The following NMNAT3 variants were observed in gnomAD, a reference collection of about 807,000 sequenced individuals.
NMNAT3 encodes nicotinamide nucleotide adenylyltransferase 3, also known as nicotinamide/nicotinic acid mononucleotide adenylyltransferase 3.
NMNAT3 carries 21 observed loss-of-function variants against 24.8 expected under a neutral mutation model. The observed-to-expected ratio is 0.85, with a 90% confidence interval of 0.60 to 1.22. The LOEUF is 1.22. Ranked by LOEUF, NMNAT3 falls within the 50% of genes most tolerant of loss-of-function variation. The probability of loss-of-function intolerance (pLI) is 0.00; values close to 1 mark genes in which losing one functional copy is unlikely to be tolerated. For synonymous variants in NMNAT3, 136 were observed against 155.2 expected (o/e 0.88, Z 0.92); for missense variants, 387 against 436.6 (o/e 0.89, Z 1.01).
intron 1 of NMNAT3, among the ~76,000 whole-genome samples, chr3:139,638,391 A>C (rs2056582075): frequency 6.6e-6 from 1 of 152,160 alleles, no homozygotes. Flanking sequence ...CCCCCACTCC[A>C]GTCTAACAGT....
intron 1 of NMNAT3, among the ~76,000 whole-genome samples, chr3:139,664,760 G>A (rs1234821721): frequency 2.0e-5 from 3 of 152,104 alleles, no homozygotes; most frequent in Non-Finnish European, 4.4e-5. Context: ...CCCCCAGAAA[G>A]CCTTCTTTAA....
intron 1 of NMNAT3, among the ~76,000 whole-genome samples, chr3:139,659,249 G>T (rs1323575385): frequency 6.6e-6 from 1 of 152,200 alleles, no homozygotes; most frequent in Non-Finnish European, 1.5e-5. Context: ...ACTAGCATTA[G>T]GACCTGTTTG....
At chr3:139,655,222 G>C (rs1010153971) in intron 1 of NMNAT3, among the ~76,000 whole-genome samples, 1 of 152,222 alleles carries the variant, frequency 6.6e-6, no homozygotes, top group Non-Finnish European at 1.5e-5. Context: ...AGCCTGCCAA[G>C]GGCCTTATGC....
At chr3:139,605,508 A>G (rs1416944306) in intron 3 of NMNAT3, among the ~76,000 whole-genome samples, 1 of 152,154 alleles carries the variant, frequency 6.6e-6, no homozygotes, top group Non-Finnish European at 1.5e-5. Context: ...TTTCAGCTCT[A>G]AAGTACCATC....
chr3:139,592,644 AAG>A (rs1239435036), intron 3 of NMNAT3, among the ~76,000 whole-genome samples: 32 of 152,182 alleles, frequency 2.1e-4, no homozygotes, highest in African/African-American at 7.2e-4. Context: ...TACAAGCCAG[AAG>A]AGAGTGGGGG....
chr3:139,618,033 C>G (rs144206575), intron 3 of NMNAT3, among the ~76,000 whole-genome samples: 1 of 152,200 alleles, frequency 6.6e-6, no homozygotes, highest in African/African-American at 2.4e-5. Context: ...ATCCATCAAG[C>G]CTTTGAGAAT....
intron 1 of NMNAT3, 112 bp from the exon 2 acceptor site, chr3:139,638,174 T>C (rs1311815555): frequency 6.6e-6 from 1 of 152,264 alleles, no homozygotes; most frequent in Non-Finnish European, 1.5e-5. Context: ...CAGTTTGCTT[T>C]ACCTCTTCAG....
intron 1 of NMNAT3, among the ~76,000 whole-genome samples, chr3:139,644,980 GA>G (rs1201782950): frequency 3.3e-5 from 5 of 152,144 alleles, no homozygotes; most frequent in African/African-American, 9.7e-5. Flanking sequence ...GAGGTGGATG[GA>G]TCATGAGGTC....
intron 3 of NMNAT3, chr3:139,599,597 T>C (rs1474140445): frequency 1.7e-6 from 1 of 588,346 alleles, no homozygotes; most frequent in African/African-American, 1.9e-5. Flanking sequence ...TATGCATGCC[T>C]TTACAAACAG....
chr3:139,638,407 A>G (rs536086254), intron 1 of NMNAT3, among the ~76,000 whole-genome samples: 25 of 152,270 alleles, frequency 1.6e-4, no homozygotes, highest in African/African-American at 5.3e-4. Context: ...ACAGTGGGCA[A>G]TATGCCACAT....
At chr3:139,639,035 C>G (rs1232706268) in intron 1 of NMNAT3, among the ~76,000 whole-genome samples, 1 of 152,212 alleles carries the variant, frequency 6.6e-6, no homozygotes, top group Non-Finnish European at 1.5e-5. Flanking sequence ...CTCTACAAAG[C>G]TGTCAATGCC....
intron 1 of NMNAT3, among the ~76,000 whole-genome samples, chr3:139,640,236 TCCCAGTGTCTG>T (rs1174079151): frequency 6.6e-6 from 1 of 152,146 alleles, no homozygotes; most frequent in Non-Finnish European, 1.5e-5. Flanking sequence ...GGGGCTAGTG[TCCCAGTGTCTG>T]CCCTGTGCCT....
At chr3:139,603,743 A>G (rs16849184) in intron 3 of NMNAT3, among the ~76,000 whole-genome samples, 2 of 151,842 alleles carry the variant, frequency 1.3e-5, no homozygotes, top group Admixed American at 6.6e-5. Flanking sequence ...CAACTAACCA[A>G]TGCTGCTGCC....
intron 3 of NMNAT3, among the ~76,000 whole-genome samples, chr3:139,587,469 T>C (rs1456555297): frequency 6.6e-6 from 1 of 152,138 alleles, no homozygotes; most frequent in East Asian, 1.9e-4. Flanking sequence ...GACAGATCCC[T>C]CGGCTAGAAA....
At chr3:139,663,311 G>T (rs1055277037) in intron 1 of NMNAT3, among the ~76,000 whole-genome samples, 2 of 152,162 alleles carry the variant, frequency 1.3e-5, no homozygotes, top group Non-Finnish European at 2.9e-5. Flanking sequence ...CCACCTGGAT[G>T]GTCCAGGATA....
intron 1 of NMNAT3, among the ~76,000 whole-genome samples, chr3:139,653,061 GC>G (rs2057108178): frequency 6.6e-6 from 1 of 152,132 alleles, no homozygotes; most frequent in Non-Finnish European, 1.5e-5. Flanking sequence ...GGATAGATTG[GC>G]AGCGGGGGCA....
intron 6 of NMNAT3, chr3:139,568,470 G>T (rs1048072275): frequency 3.2e-4 from 49 of 152,250 alleles, no homozygotes; most frequent in African/African-American, 1.1e-3. Flanking sequence ...GCTTTGTCTT[G>T]TGGCCTTTAG....
intron 2 of NMNAT3, chr3:139,635,520 A>T (rs1342033771): frequency 6.6e-6 from 1 of 152,258 alleles, no homozygotes; most frequent in Non-Finnish European, 1.5e-5. Flanking sequence ...TGATCTGTCA[A>T]CATGGACAAA....
At position 139,582,909 on chromosome 3, in the gene NMNAT3, T is replaced by C. The variant is rs565409570; in HGVS notation, c.391+18A>G. The C allele has an allele frequency of 4.4e-6, 6 of 1,371,070 alleles. No homozygotes were observed. In the African/African-American group the frequency reaches 7.4e-5, roughly 17 times the overall value. 84.9% of individuals were successfully genotyped at this position (1,371,070 alleles called of 1,614,324 possible). A position where few individuals can be genotyped will look rare whatever the true frequency, so the allele number is the denominator to read the frequency against. On this transcript the variant is annotated intron_variant, in intron 4 of 6. Coordinates refer to ENST00000643695, the MANE Select transcript of NMNAT3 (RefSeq NM_001320510.2). Reference sequence around the variant, plus strand: ...TGGAGGGAGGAGCAGTCCAAAAAAATATATATATATTTTTTACCTTGAAGT... The same window carrying C: ...TGGAGGGAGGAGCAGTCCAAAAAAACATATATATATTTTTTACCTTGAAGT...
Sources: gnomAD v4.1 joint callset for allele counts (sites outside exome capture counted in the v4.1 genomes callset) on GRCh38, gnomAD v4.1.1 for gene constraint, MANE v1.5 for transcripts, NCBI Gene and HGNC (gene_info 2026-07-23, HGNC 2026-07-21) for gene names.